WIF1: variants seen among roughly 807,000 people sequenced by gnomAD.
WIF1 encodes Wnt inhibitory factor 1.
A neutral mutation model predicts 53.5 loss-of-function variants in WIF1; 35 were observed. That is an observed-to-expected ratio of 0.65 (90% CI 0.50 to 0.87). The LOEUF (loss-of-function observed/expected upper bound fraction) is 0.87, where lower values mean the gene tolerates loss of function less well. Among genes scored for constraint, WIF1 ranks in the 40% least tolerant of loss-of-function variants. The pLI, the probability that WIF1 is intolerant of heterozygous loss-of-function variation, is 0.00. For synonymous variants in WIF1, 171 were observed against 170.4 expected, an observed-to-expected ratio of 1.00 and a Z score of -0.03; for missense variants, 467 against 476.8, an observed-to-expected ratio of 0.98 and a Z score of 0.19.
intron 2 of WIF1, among the ~76,000 whole-genome samples, chr12:65,106,318 A>T (rs1409550537): frequency 2.0e-5 from 3 of 151,994 alleles, no homozygotes; most frequent in Admixed American, 6.6e-5. Context: ...TCATTTATGA[A>T]AACAACTTTC....
chr12:65,083,673 A>C (rs1320121401), intron 2 of WIF1: 6 of 297,762 alleles, frequency 2.0e-5, no homozygotes, highest in Non-Finnish European at 3.9e-5. Context: ...CGTCATGCCC[A>C]TGCTCATGTG....
rs115709023 is a variant in WIF1 at position 65,111,020 on chromosome 12, G to A, written c.288+9397C>T. 7.4e-3 allele frequency among the ~76,000 whole-genome samples: 1,131 copies of A among 152,246 alleles called. 14 individuals carry two copies. The highest frequency in any genetic ancestry group is 0.025 in the African/African-American group (1,055 of 41,538). ...GAAATCTGAAGGGAGTGCATTCTAG[G>A]CAGAGGAAACTTCACGTGCAAAGGC... On this transcript the variant is annotated intron_variant, in intron 2 of 9. Coordinates refer to ENST00000286574, the MANE Select transcript of WIF1 (RefSeq NM_007191.5).
intron 2 of WIF1, among the ~76,000 whole-genome samples, chr12:65,087,244 C>T (rs754228376): frequency 1.3e-5 from 2 of 152,164 alleles, no homozygotes; most frequent in African/African-American, 4.8e-5. Context: ...TTCCCTTGTT[C>T]TCTCCTTCAT....
Position 65,056,106 on chromosome 12 carries a change from G to T in WIF1, c.847C>A (p.Arg283=), listed in dbSNP as rs373828974. Residue 283 remains arginine, a synonymous_variant, in exon 8 of 10, where the codon CGA becomes AGA. Transcript: ENST00000286574. The part of the protein sequence containing the change: ...CEISKCPQPC[R]NGGKCIGKSK... ...TTACCAATGCATTTACCTCCATTTC[G>T]ACAGGGTTGTGGGCATTTGCCTGAA... 6 of 1,614,042 alleles carry T rather than the reference G, an allele frequency of 3.7e-6. No homozygotes were observed. The highest frequency in any genetic ancestry group is 3.4e-6 in the Non-Finnish European group (4 of 1,179,982).
intron 2 of WIF1, among the ~76,000 whole-genome samples, chr12:65,088,088 C>A (rs117039354): frequency 6.6e-6 from 1 of 152,132 alleles, no homozygotes; most frequent in African/African-American, 2.4e-5. Context: ...CAGAACTGAA[C>A]ATTTCCTGAG....
chr12:65,069,529 G>C (rs1417320700), intron 3 of WIF1, among the ~76,000 whole-genome samples: 1 of 152,132 alleles, frequency 6.6e-6, no homozygotes, highest in Non-Finnish European at 1.5e-5. Context: ...ATTTTCTCAG[G>C]CTGTTTGTTA....
At chr12:65,102,907 T>C (rs779753325) in intron 2 of WIF1, among the ~76,000 whole-genome samples, 6 of 152,216 alleles carry the variant, frequency 3.9e-5, no homozygotes, top group African/African-American at 9.6e-5. Context: ...CTTGGATATA[T>C]AGAGTTTCTG....
chr12:65,087,303 AATG>A (rs966098896), intron 2 of WIF1, among the ~76,000 whole-genome samples: 3 of 152,222 alleles, frequency 2.0e-5, no homozygotes, highest in Non-Finnish European at 4.4e-5. Context: ...TTTAGGACAG[AATG>A]ATATTTACAA....
chr12:65,056,184 T>C (rs1351610410), intron 7 of WIF1, 58 bp from the exon 8 acceptor site: 2 of 1,516,962 alleles, frequency 1.3e-6, no homozygotes, highest in Non-Finnish European at 1.8e-6. Context: ...CAGAGGTAAT[T>C]ACATTTTTCA....
intron 2 of WIF1, among the ~76,000 whole-genome samples, chr12:65,098,664 G>C (rs1883239284): frequency 1.3e-5 from 2 of 152,072 alleles, no homozygotes; most frequent in South Asian, 2.1e-4. Flanking sequence ...GTCTGTGTGT[G>C]TGTGTGTGTA....
At chr12:65,073,563 G>A (rs944390313) in intron 3 of WIF1, among the ~76,000 whole-genome samples, 1 of 152,174 alleles carries the variant, frequency 6.6e-6, no homozygotes, top group Non-Finnish European at 1.5e-5. Context: ...AACTGTTAAA[G>A]ATCAAGAGGA....
chr12:65,077,710 T>C, intron 3 of WIF1, 36 bp downstream of exon 3: 1 of 1,411,818 alleles, frequency 7.1e-7, no homozygotes, highest in Non-Finnish European at 1.0e-6. Flanking sequence ...CATTACATTT[T>C]AAGTGTAAAC....
rs766932702 is a variant in WIF1, at chr12:65,056,060, T to A, written c.893A>T (p.Lys298Ile). 1 of 1,614,102 alleles carries A rather than the reference T, an allele frequency of 6.2e-7. No individual in the cohort carries two copies. The highest frequency in any genetic ancestry group is 8.5e-7 in the Non-Finnish European group (1 of 1,179,998). ...TGAACAGAGGTCTCCCTGGTAACCT[T>A]TGGAACACTTACATTTGCTTTTACC... ...CIGKSKCKCS[K>I]GYQGDLCSKP... The change falls in exon 8 of 10, where the codon AAA becomes ATA. Residue 298 changes from lysine (K) to isoleucine (I), a missense_variant. Transcript: ENST00000286574.
At chr12:65,080,195 C>T (rs1038941496) in intron 2 of WIF1, among the ~76,000 whole-genome samples, 10 of 152,194 alleles carry the variant, frequency 6.6e-5, no homozygotes, top group African/African-American at 2.4e-4. Context: ...CCTTCATGGA[C>T]CAAATTCCCA....
chr12:65,067,666 G>T, intron 5 of WIF1, 29 bp downstream of exon 5: 1 of 1,599,204 alleles, frequency 6.3e-7, no homozygotes, highest in Non-Finnish European at 8.6e-7. Context: ...ATTAGGAAGG[G>T]AGCAAGGGAA....
chr12:65,062,711 C>T (rs1882632305), intron 6 of WIF1, 135 bp from the exon 7 acceptor site: 1 of 776,988 alleles, frequency 1.3e-6, no homozygotes, highest in Non-Finnish European at 2.1e-6. Flanking sequence ...AAATAAGCTG[C>T]TTTACAAATA....
At chr12:65,081,931 T>C (rs993886746) in intron 2 of WIF1, among the ~76,000 whole-genome samples, 2 of 152,246 alleles carry the variant, frequency 1.3e-5, no homozygotes, top group East Asian at 3.9e-4. Context: ...CTTTTATCTC[T>C]GATGTTGACA....
intron 2 of WIF1, among the ~76,000 whole-genome samples, chr12:65,086,703 C>CT (rs35313351): frequency 0.46 from 62,297 of 134,192 alleles, 16,211 homozygotes; most frequent in East Asian, 0.68. Flanking sequence ...GTGTTTCTTT[C>CT]TTTTTTTTTT....
At chr12:65,056,637 G>C (rs958084803) in intron 7 of WIF1, among the ~76,000 whole-genome samples, 1 of 151,636 alleles carries the variant, frequency 6.6e-6, no homozygotes. Flanking sequence ...TCTTTTCACT[G>C]GGTATTGATT....
Sources: allele counts gnomAD v4.1 joint callset (sites outside exome capture counted in the v4.1 genomes callset), GRCh38; gene constraint gnomAD v4.1.1; transcripts MANE v1.5; gene names NCBI Gene and HGNC (gene_info 2026-07-23, HGNC 2026-07-21).